The following SRBD1 variants were observed in gnomAD, a reference collection of about 807,000 sequenced individuals.
SRBD1 encodes the protein S1 RNA-binding domain-containing protein 1.
In SRBD1, 88 loss-of-function variants were observed where a neutral mutation model predicts 115.3. The ratio of observed to expected loss-of-function variants is 0.76; its 90% CI spans 0.64 to 0.91. The LOEUF (loss-of-function observed/expected upper bound fraction) is 0.91. SRBD1 is among the 40% of genes least tolerant of loss of function. The probability of loss-of-function intolerance (pLI) is 0.00; values close to 1 mark genes in which losing one functional copy is unlikely to be tolerated. For missense variants in SRBD1, 1,385 were observed against 1,177.4 expected (o/e 1.18, Z -2.58); for synonymous variants, 509 against 407.7 (o/e 1.25, Z -2.99).
At chr2:45,526,530 TTAG>T (rs1671447704) in intron 14 of SRBD1, among the ~76,000 whole-genome samples, 1 of 151,852 alleles carries the variant, frequency 6.6e-6, no homozygotes, top group Admixed American at 6.6e-5. Context: ...AGTTTTAAAA[TTAG>T]TAGTGATAGC....
intron 16 of SRBD1, among the ~76,000 whole-genome samples, chr2:45,429,436 C>A (rs1285926037): frequency 2.0e-5 from 3 of 151,080 alleles, no homozygotes; most frequent in Admixed American, 1.3e-4. Flanking sequence ...CATCAAAAAG[C>A]TTATCCACCG....
chr2:45,453,553 T>A (rs1019228740), intron 16 of SRBD1, among the ~76,000 whole-genome samples: 1 of 151,924 alleles, frequency 6.6e-6, no homozygotes, highest in African/African-American at 2.4e-5. Flanking sequence ...TCTGTTTACA[T>A]ACATGGAGAG....
chr2:45,501,522 A>C (rs974985577), intron 14 of SRBD1, among the ~76,000 whole-genome samples: 1 of 152,302 alleles, frequency 6.6e-6, no homozygotes, highest in Non-Finnish European at 1.5e-5. Context: ...CAAGGAGTCA[A>C]GGAATTCCCT....
At chr2:45,581,953 C>A in intron 5 of SRBD1, 143 bp from the exon 6 acceptor site, 1 of 647,664 alleles carries the variant, frequency 1.5e-6, no homozygotes, top group East Asian at 2.7e-5. Flanking sequence ...GTTAACATCC[C>A]TGCACTCCAA....
At chr2:45,406,542 C>T (rs1425469326) in intron 19 of SRBD1, among the ~76,000 whole-genome samples, 1 of 152,144 alleles carries the variant, frequency 6.6e-6, no homozygotes, top group Non-Finnish European at 1.5e-5. Context: ...GCTGAAAACC[C>T]TGCTCTGGCT....
chr2:45,567,584 G>C (rs1040383183), intron 9 of SRBD1, among the ~76,000 whole-genome samples: 7 of 151,770 alleles, frequency 4.6e-5, no homozygotes, highest in Non-Finnish European at 8.8e-5. Context: ...ACTCCAGCCT[G>C]GGTGAAAGAG....
At chr2:45,570,707 C>T (rs550403836) in intron 9 of SRBD1, among the ~76,000 whole-genome samples, 8 of 152,308 alleles carry the variant, frequency 5.3e-5, no homozygotes, top group African/African-American at 1.9e-4. Context: ...TCCAGCTCAG[C>T]AGTGGCCTCT....
At chr2:45,553,810 T>A in intron 10 of SRBD1, 80 bp from the exon 11 acceptor site, 1 of 860,138 alleles carries the variant, frequency 1.2e-6, no homozygotes, top group South Asian at 2.3e-5. Context: ...AGAAGGGAGA[T>A]GGAATACAGA....
At chr2:45,606,017 G>A (rs1674261502) in intron 1 of SRBD1, among the ~76,000 whole-genome samples, 2 of 151,732 alleles carry the variant, frequency 1.3e-5, no homozygotes, top group African/African-American at 4.8e-5. Context: ...GGTGACACCT[G>A]TAGGAAAACT....
chr2:45,507,531 C>A (rs996259596), intron 14 of SRBD1, among the ~76,000 whole-genome samples: 1 of 151,778 alleles, frequency 6.6e-6, no homozygotes, highest in African/African-American at 2.4e-5. Flanking sequence ...ACCAGCCTGG[C>A]CAACATGATG....
intron 16 of SRBD1, among the ~76,000 whole-genome samples, chr2:45,421,016 C>G (rs1429501265): frequency 1.3e-5 from 2 of 152,120 alleles, no homozygotes; most frequent in Non-Finnish European, 2.9e-5. Flanking sequence ...TGACAAAACT[C>G]CTTTTCTGAA....
intron 16 of SRBD1, among the ~76,000 whole-genome samples, chr2:45,459,568 A>G (rs1003380627): frequency 2.6e-5 from 4 of 152,220 alleles, no homozygotes; most frequent in Non-Finnish European, 5.9e-5. Flanking sequence ...CAACAGGAAT[A>G]AACAGGACCT....
chr2:45,423,915 C>A (rs1458731228), intron 16 of SRBD1, among the ~76,000 whole-genome samples: 2 of 152,060 alleles, frequency 1.3e-5, no homozygotes, highest in Admixed American at 1.3e-4. Context: ...CATTTTAAAA[C>A]AATCTCTCTT....
At chr2:45,545,056 G>A (rs553806235) in intron 14 of SRBD1, among the ~76,000 whole-genome samples, 83 of 152,034 alleles carry the variant, frequency 5.5e-4, no homozygotes, top group Middle Eastern at 3.4e-3. Flanking sequence ...TGAGGCAGGC[G>A]GATCACGAGG....
intron 14 of SRBD1, among the ~76,000 whole-genome samples, chr2:45,519,377 T>A (rs947836136): frequency 3.9e-5 from 6 of 152,072 alleles, no homozygotes; most frequent in African/African-American, 1.4e-4. Context: ...CCGCCATTGG[T>A]CCAGGGAAAC....
chr2:45,444,920 T>C (rs745793464), intron 16 of SRBD1, among the ~76,000 whole-genome samples: 4 of 152,212 alleles, frequency 2.6e-5, no homozygotes, highest in Non-Finnish European at 5.9e-5. Flanking sequence ...GAAAGAATGA[T>C]GCAAAATTTC....
chr2:45,418,524 T>G lies in SRBD1; in HGVS notation c.2174A>C (p.Asn725Thr). 6.2e-7 allele frequency: 1 copy of G among 1,613,488 alleles called. No individual in the cohort carries two copies. The highest frequency in any genetic ancestry group is 1.3e-5 in the African/African-American group (1 of 74,862). ...AATAATATTTTTGGCCCTGTTGGCA[T>G]TGAGTCCTGCAATATGCCTAGAAAA... ...EVLLRHIAGL[N>T]ANRAKNIIEW... The change falls in exon 18 of 21, where the codon AAT becomes ACT. Residue 725 changes from asparagine to threonine, a missense_variant. By Grantham distance (65) the Asn-to-Thr change is moderately conservative (BLOSUM62 0). Coordinates refer to ENST00000263736, the MANE Select transcript of SRBD1 (RefSeq NM_018079.5).
rs1558486182 is a variant in SRBD1, at chr2:45,571,516, C to CCAAAAAAAAAAAAAAAAAAAA, written c.1305+1670_1305+1690dup. Among the ~76,000 whole-genome samples, 162 of 42,444 alleles carry CCAAAAAAAAAAAAAAAAAAAA rather than the reference C, an allele frequency of 3.8e-3. 11 individuals are homozygous for CCAAAAAAAAAAAAAAAAAAAA. Among genetic ancestry groups the CCAAAAAAAAAAAAAAAAAAAA allele is most frequent in the African/African-American group, 0.018 (155 of 8,496 alleles). 27.8% of individuals were successfully genotyped at this position (42,444 alleles called of 152,430 possible). A position where few individuals can be genotyped will look rare whatever the true frequency, so the allele number is the denominator to read the frequency against. Reference sequence around the variant, plus strand: ...TAAAATACAACATATCCAGACTTTACCAAAAAAAAAAAAAAAAAAAAAAAA... The same window carrying CCAAAAAAAAAAAAAAAAAAAA: ...TAAAATACAACATATCCAGACTTTACCAAAAAAAAAAAAAAAAAAAACAAAAAAAAAAAAAAAAAAAAAAAA... On this transcript the variant is annotated intron_variant, in intron 9 of 20. Coordinates refer to ENST00000263736, the MANE Select transcript of SRBD1 (RefSeq NM_018079.5).
intron 14 of SRBD1, among the ~76,000 whole-genome samples, chr2:45,498,356 C>G (rs1290318316): frequency 6.6e-6 from 1 of 152,028 alleles, no homozygotes; most frequent in African/African-American, 2.4e-5. Context: ...TCTTGTCATT[C>G]TCTTAATGGT....
Sources: allele counts gnomAD v4.1 joint callset (sites outside exome capture counted in the v4.1 genomes callset), GRCh38; gene constraint gnomAD v4.1.1; transcripts MANE v1.5; gene names NCBI Gene and HGNC (gene_info 2026-07-23, HGNC 2026-07-21).